Variants in ESRRG observed in about 807,000 individuals in gnomAD.
ESRRG encodes estrogen-related receptor gamma.
ESRRG carries 13 observed loss-of-function variants against 44.0 expected under a neutral mutation model. The observed-to-expected ratio is 0.30, with a 90% confidence interval of 0.19 to 0.47. The LOEUF (loss-of-function observed/expected upper bound fraction) is 0.47. ESRRG is among the 20% of genes least tolerant of loss of function. ESRRG has a pLI of 1.00. For missense variants in ESRRG, 395 were observed against 580.6 expected, an observed-to-expected ratio of 0.68 and a Z score of 3.29; for synonymous variants, 215 against 214.6, an observed-to-expected ratio of 1.00 and a Z score of -0.02.
At chr1:216,638,541 A>T (rs1498290) in intron 3 of ESRRG, among the ~76,000 whole-genome samples, 124,195 of 152,192 alleles carry the variant, frequency 0.82, 50,933 homozygotes, top group African/African-American at 0.86. Flanking sequence ...CTATGCTCTT[A>T]ATCTTTATGC....
intron 1 of ESRRG, among the ~76,000 whole-genome samples, chr1:217,134,570 T>C (rs2093020940): frequency 6.6e-6 from 1 of 152,156 alleles, no homozygotes; most frequent in South Asian, 2.1e-4. Context: ...CCACACCCCG[T>C]ACCCCCAAAA....
At chr1:216,692,068 T>A (rs1183316750) in intron 1 of ESRRG, among the ~76,000 whole-genome samples, 1 of 152,216 alleles carries the variant, frequency 6.6e-6, no homozygotes, top group Non-Finnish European at 1.5e-5. Context: ...GTATTTACTA[T>A]ACTTTTTAAT....
intron 1 of ESRRG, among the ~76,000 whole-genome samples, chr1:217,048,931 A>G (rs1446500152): frequency 6.6e-6 from 1 of 152,080 alleles, no homozygotes; most frequent in Non-Finnish European, 1.5e-5. Flanking sequence ...AACCCTTCCC[A>G]TGTCTTCCTT....
intron 2 of ESRRG, among the ~76,000 whole-genome samples, chr1:216,832,098 G>A (rs1007449513): frequency 2.6e-5 from 4 of 152,108 alleles, no homozygotes; most frequent in Non-Finnish European, 5.9e-5. Context: ...ACAAGGCAGT[G>A]CATTTTGTCT....
At chr1:217,020,970 T>TG (rs1209703444) in intron 1 of ESRRG, among the ~76,000 whole-genome samples, 1 of 151,862 alleles carries the variant, frequency 6.6e-6, no homozygotes, top group East Asian at 1.9e-4. Flanking sequence ...GAGCTTGATT[T>TG]GGTACAGGGT....
chr1:216,591,549 A>G (rs1490418718), intron 3 of ESRRG, among the ~76,000 whole-genome samples: 1 of 152,242 alleles, frequency 6.6e-6, no homozygotes, highest in Admixed American at 6.5e-5. Context: ...AGTAGTATCT[A>G]CATCTTGGTT....
At chr1:217,031,989 C>G (rs1579797473) in intron 1 of ESRRG, among the ~76,000 whole-genome samples, 1 of 152,082 alleles carries the variant, frequency 6.6e-6, no homozygotes, top group African/African-American at 2.4e-5. Context: ...CACCGACTGC[C>G]CCAGTTTGCC....
At chr1:216,599,687 A>G (rs1252076569) in intron 3 of ESRRG, among the ~76,000 whole-genome samples, 1 of 152,198 alleles carries the variant, frequency 6.6e-6, no homozygotes, top group Non-Finnish European at 1.5e-5. Context: ...AGCCAAAGAA[A>G]AAAAAATTGA....
chr1:216,880,326 A>AAAAAAAAAAAC, intron 2 of ESRRG, among the ~76,000 whole-genome samples: 1 of 150,620 alleles, frequency 6.6e-6, no homozygotes, highest in Non-Finnish European at 1.5e-5. Context: ...AAAAAAAAAA[A>AAAAAAAAAAAC]AAAAAAAAGT....
chr1:217,088,215 TGA>T (rs1449561967), intron 1 of ESRRG, among the ~76,000 whole-genome samples: 3 of 152,108 alleles, frequency 2.0e-5, no homozygotes, highest in East Asian at 3.9e-4. Context: ...GAGAAACAAA[TGA>T]GAGTTTCTCT....
At chr1:216,695,044 G>A (rs2079855782) in intron 1 of ESRRG, among the ~76,000 whole-genome samples, 1 of 151,844 alleles carries the variant, frequency 6.6e-6, no homozygotes, top group African/African-American at 2.4e-5. Context: ...TAAATCATGA[G>A]GAAAAGGCCT....
intron 1 of ESRRG, among the ~76,000 whole-genome samples, chr1:216,997,647 AAG>A (rs1341738172): frequency 6.6e-6 from 1 of 152,230 alleles, no homozygotes; most frequent in Non-Finnish European, 1.5e-5. Flanking sequence ...AATTTGCATA[AAG>A]AGAGAATTTA....
At chr1:216,875,911 T>G (rs113309270) in intron 2 of ESRRG, among the ~76,000 whole-genome samples, 4 of 152,258 alleles carry the variant, frequency 2.6e-5, no homozygotes, top group African/African-American at 9.6e-5. Flanking sequence ...GAAGGTATTT[T>G]TTAAGACACA....
chr1:216,833,109 A>C (rs2095511982), intron 2 of ESRRG, among the ~76,000 whole-genome samples: 1 of 152,188 alleles, frequency 6.6e-6, no homozygotes, highest in African/African-American at 2.4e-5. Context: ...CATTGACTGC[A>C]CTAACACTTG....
chr1:217,078,627 A>G (rs1352389695), intron 1 of ESRRG, among the ~76,000 whole-genome samples: 2 of 152,198 alleles, frequency 1.3e-5, no homozygotes, highest in African/African-American at 2.4e-5. Flanking sequence ...ACAACAGTGT[A>G]AGGTATTCTC....
chr1:216,561,475 T>G (rs1273822414), intron 5 of ESRRG, among the ~76,000 whole-genome samples: 1 of 152,164 alleles, frequency 6.6e-6, no homozygotes, highest in Non-Finnish European at 1.5e-5. Context: ...TGACCCCAGT[T>G]ATCAGGATTG....
At chr1:217,049,503 G>T (rs185889011) in intron 1 of ESRRG, among the ~76,000 whole-genome samples, 11 of 152,338 alleles carry the variant, frequency 7.2e-5, no homozygotes, top group Non-Finnish European at 1.5e-4. Flanking sequence ...GATATACTAT[G>T]CCTATCAAGG....
intron 2 of ESRRG, among the ~76,000 whole-genome samples, chr1:216,795,050 G>T (rs2094435779): frequency 6.6e-6 from 1 of 151,964 alleles, no homozygotes; most frequent in South Asian, 2.1e-4. Context: ...CACTGAATGG[G>T]GTGGTACAAA....
intron 1 of ESRRG, among the ~76,000 whole-genome samples, chr1:217,074,690 T>C (rs1038426938): frequency 6.6e-6 from 1 of 152,006 alleles, no homozygotes; most frequent in Non-Finnish European, 1.5e-5. Flanking sequence ...ATTTAAAAAA[T>C]TGAGCCCAGG....
Sources: gnomAD v4.1 joint callset for allele counts (sites outside exome capture counted in the v4.1 genomes callset) on GRCh38, gnomAD v4.1.1 for gene constraint, MANE v1.5 for transcripts, NCBI Gene and HGNC (gene_info 2026-07-23, HGNC 2026-07-21) for gene names.